The following ARHGAP10 variants were observed in gnomAD, a reference collection of about 807,000 sequenced individuals.
The protein encoded by ARHGAP10 is Rho GTPase activating protein 10.
Under a neutral mutation model 108.6 loss-of-function variants are expected in ARHGAP10, and 87 were observed. The ratio of observed to expected loss-of-function variants is 0.80; its 90% CI spans 0.67 to 0.96. The LOEUF is 0.96. Ranked by LOEUF, ARHGAP10 falls within the 40% of genes least tolerant of loss-of-function variation. ARHGAP10 has a pLI of 0.00. For missense variants in ARHGAP10, 939 were observed against 954.5 expected, an observed-to-expected ratio of 0.98 and a Z score of 0.21; for synonymous variants, 347 against 341.1, an observed-to-expected ratio of 1.02 and a Z score of -0.19.
At position 147,755,454 on chromosome 4, in the gene ARHGAP10, C is replaced by T. The variant is rs547437937; in HGVS notation, c.154+22999C>T. 1.5e-3 allele frequency among the ~76,000 whole-genome samples: 228 copies of T among 151,592 alleles called. 1 individual carries two copies. The highest frequency in any genetic ancestry group is 5.0e-3 in the African/African-American group (207 of 41,326). On this transcript the variant is annotated intron_variant, in intron 1 of 22. Coordinates refer to ENST00000336498, the MANE Select transcript of ARHGAP10 (RefSeq NM_024605.4). ...AGGAGAATCGCTTGAACTCAGGAGG[C>T]GGAGGTTGCGGTGAGCCGAGATCAC...
intron 9 of ARHGAP10, among the ~76,000 whole-genome samples, chr4:147,881,050 G>C (rs566117265): frequency 8.5e-5 from 13 of 152,086 alleles, no homozygotes; most frequent in Non-Finnish European, 1.8e-4. Flanking sequence ...GAGGTGGGCA[G>C]ATCACTTGAG....
chr4:147,887,086 T>C (rs989842087), intron 10 of ARHGAP10, among the ~76,000 whole-genome samples: 1 of 152,144 alleles, frequency 6.6e-6, no homozygotes, highest in East Asian at 1.9e-4. Context: ...TGCTGTATAC[T>C]CCCAGTTGAA....
At chr4:148,045,067 G>A (rs972581891) in intron 19 of ARHGAP10, among the ~76,000 whole-genome samples, 4 of 152,102 alleles carry the variant, frequency 2.6e-5, no homozygotes, top group South Asian at 2.1e-4. Context: ...CACCCTCCCC[G>A]GGAACACACT....
intron 7 of ARHGAP10, among the ~76,000 whole-genome samples, chr4:147,871,730 G>A (rs957035556): frequency 1.3e-5 from 2 of 152,146 alleles, no homozygotes; most frequent in Non-Finnish European, 2.9e-5. Flanking sequence ...ACTTATAATT[G>A]GAAATTGCAA....
chr4:147,887,059 T>C (rs544295846), intron 10 of ARHGAP10, among the ~76,000 whole-genome samples: 1 of 152,242 alleles, frequency 6.6e-6, no homozygotes, highest in South Asian at 2.1e-4. Context: ...GCCCGGCCCA[T>C]GCTATGTTTC....
intron 6 of ARHGAP10, 152 bp downstream of exon 6, chr4:147,865,108 G>A: frequency 1.6e-6 from 1 of 644,048 alleles, no homozygotes; most frequent in Non-Finnish European, 2.6e-6. Flanking sequence ...AGATAGCCAT[G>A]AAGTCAAGGA....
intron 16 of ARHGAP10, among the ~76,000 whole-genome samples, chr4:147,960,340 T>C (rs531601436): frequency 5.9e-4 from 90 of 152,320 alleles, no homozygotes; most frequent in Middle Eastern, 3.4e-3. Context: ...CTTAGTGTCC[T>C]CAGTTGTAAA....
At chr4:147,802,539 G>C (rs1731624010) in intron 1 of ARHGAP10, among the ~76,000 whole-genome samples, 1 of 152,236 alleles carries the variant, frequency 6.6e-6, no homozygotes, top group Non-Finnish European at 1.5e-5. Context: ...TAGCCTCTCT[G>C]TCCTCAGCAG....
intron 1 of ARHGAP10, chr4:147,745,334 A>T (rs1398972097): frequency 6.6e-6 from 1 of 152,164 alleles, no homozygotes; most frequent in Non-Finnish European, 1.5e-5. Context: ...AAAACATTCA[A>T]CCCTGTCTTC....
At chr4:148,018,450 A>G (rs964740635) in intron 18 of ARHGAP10, among the ~76,000 whole-genome samples, 2 of 152,210 alleles carry the variant, frequency 1.3e-5, no homozygotes, top group Non-Finnish European at 2.9e-5. Flanking sequence ...AGCCAAAATC[A>G]CAGGTCAGAA....
At chr4:147,772,792 G>T (rs965041349) in intron 1 of ARHGAP10, among the ~76,000 whole-genome samples, 2 of 152,088 alleles carry the variant, frequency 1.3e-5, no homozygotes, top group African/African-American at 2.4e-5. Context: ...ATTCTCTTAA[G>T]TCTAGTGGGG....
intron 10 of ARHGAP10, among the ~76,000 whole-genome samples, chr4:147,886,970 T>A (rs1735594368): frequency 6.6e-6 from 1 of 152,006 alleles, no homozygotes; most frequent in Non-Finnish European, 1.5e-5. Flanking sequence ...AGTTTCAGTT[T>A]CACCTTGAAC....
At chr4:147,979,571 A>C (rs1477481213) in intron 18 of ARHGAP10, among the ~76,000 whole-genome samples, 1 of 152,102 alleles carries the variant, frequency 6.6e-6, no homozygotes, top group Non-Finnish European at 1.5e-5. Context: ...TTCTCTGAAA[A>C]ATGACATTGG....
intron 7 of ARHGAP10, among the ~76,000 whole-genome samples, chr4:147,867,691 C>G (rs1222991706): frequency 6.6e-6 from 1 of 152,030 alleles, no homozygotes; most frequent in Non-Finnish European, 1.5e-5. Context: ...TGGTGAAACC[C>G]TGTCTCCACT....
intron 4 of ARHGAP10, among the ~76,000 whole-genome samples, chr4:147,848,115 A>G (rs1035986582): frequency 6.6e-6 from 1 of 151,742 alleles, no homozygotes; most frequent in Non-Finnish European, 1.5e-5. Context: ...CTCTTCCTAA[A>G]AGAAATGACT....
chr4:147,902,982 A>G (rs1736311209), intron 10 of ARHGAP10, among the ~76,000 whole-genome samples: 1 of 152,296 alleles, frequency 6.6e-6, no homozygotes, highest in Admixed American at 6.5e-5. Flanking sequence ...GAGAACTCTC[A>G]TGGAAGCAAA....
intron 1 of ARHGAP10, among the ~76,000 whole-genome samples, chr4:147,750,629 T>C (rs933709233): frequency 2.0e-5 from 3 of 151,366 alleles, no homozygotes; most frequent in Admixed American, 2.0e-4. Flanking sequence ...GGGGTTGTAA[T>C]CTCACTCTGT....
At chr4:147,874,659 T>C (rs2126861233) in intron 7 of ARHGAP10, among the ~76,000 whole-genome samples, 1 of 152,324 alleles carries the variant, frequency 6.6e-6, no homozygotes, top group East Asian at 1.9e-4. Flanking sequence ...GAAATTCTTC[T>C]CAGGTAGCTA....
intron 1 of ARHGAP10, among the ~76,000 whole-genome samples, chr4:147,754,070 C>G (rs1355031804): frequency 6.6e-6 from 1 of 152,194 alleles, no homozygotes; most frequent in Admixed American, 6.5e-5. Context: ...AGGGCAGTGT[C>G]TGTCTTTCGT....
Sources: gnomAD v4.1 joint callset for allele counts (sites outside exome capture counted in the v4.1 genomes callset) on GRCh38, gnomAD v4.1.1 for gene constraint, MANE v1.5 for transcripts, NCBI Gene and HGNC (gene_info 2026-07-23, HGNC 2026-07-21) for gene names.